Variants in BCAS3 observed in about 807,000 individuals in gnomAD.
The protein encoded by BCAS3 is BCAS4/BCAS3 fusion.
BCAS3 carries 53 observed loss-of-function variants against 116.1 expected under a neutral mutation model. That is an observed-to-expected ratio of 0.46 (90% CI 0.37 to 0.57). BCAS3 has a LOEUF of 0.57. BCAS3 is among the 20% of genes least tolerant of loss of function. The pLI is 0.00. For synonymous variants in BCAS3, 391 were observed against 408.2 expected, an observed-to-expected ratio of 0.96 and a Z score of 0.51; for missense variants, 917 against 1,165.4, an observed-to-expected ratio of 0.79 and a Z score of 3.10.
chr17:60,952,455 G>A (rs2060896872), intron 14 of BCAS3, among the ~76,000 whole-genome samples: 1 of 151,842 alleles, frequency 6.6e-6, no homozygotes, highest in African/African-American at 2.4e-5. Flanking sequence ...GAGTAGCTGG[G>A]GTTACAGGCG....
At chr17:60,684,684 T>C (rs1330721294) in intron 3 of BCAS3, among the ~76,000 whole-genome samples, 1 of 152,138 alleles carries the variant, frequency 6.6e-6, no homozygotes, top group Non-Finnish European at 1.5e-5. Context: ...CTTGTAGCAA[T>C]AGTAAGAATC....
intron 19 of BCAS3, among the ~76,000 whole-genome samples, chr17:61,058,127 C>T (rs1052492392): frequency 2.6e-5 from 4 of 151,984 alleles, no homozygotes; most frequent in Non-Finnish European, 5.9e-5. Flanking sequence ...AAATTTTTCT[C>T]TCTTGATTTT....
Position 61,388,817 on chromosome 17 carries a change from C to A in BCAS3, c.2594-3160C>A. 9.3e-7 allele frequency: 1 copy of A among 1,077,056 alleles called. No homozygotes were observed. The highest frequency in any genetic ancestry group is 1.3e-6 in the Non-Finnish European group (1 of 753,888). The allele number at this position is 1,077,056 out of a possible 1,614,324, so 66.7% of individuals were successfully genotyped here. On this transcript the variant is annotated intron_variant, in intron 23 of 23. Coordinates refer to ENST00000407086, the MANE Select transcript of BCAS3 (RefSeq NM_017679.5). This position sits in a 1 kb window ranked among gnomAD's most constrained non-coding sequence, Gnocchi z 6.5. ...CCTCCCCTCCACTTCCCACACACACCCCTGCCTGCAGGGGGAGGAGCAGAA... is the reference window on the plus strand; with the variant it reads ...CCTCCCCTCCACTTCCCACACACACACCTGCCTGCAGGGGGAGGAGCAGAA...
At chr17:60,955,368 C>G (rs74956069) in intron 14 of BCAS3, among the ~76,000 whole-genome samples, 1,611 of 146,746 alleles carry the variant, frequency 0.011, 32 homozygotes, top group African/African-American at 0.041. Flanking sequence ...GCTAAAGGAT[C>G]TAGTTCAGGG....
intron 22 of BCAS3, among the ~76,000 whole-genome samples, chr17:61,310,476 C>T (rs1331643521): frequency 2.0e-5 from 3 of 151,828 alleles, no homozygotes; most frequent in Non-Finnish European, 4.4e-5. Flanking sequence ...ATCCCTTGAA[C>T]CCAAGAGGCG....
chr17:61,303,223 G>A (rs79296136), intron 22 of BCAS3, among the ~76,000 whole-genome samples: 227 of 152,292 alleles, frequency 1.5e-3, no homozygotes, highest in Middle Eastern at 6.8e-3. Flanking sequence ...AGCCAGAGCC[G>A]CACACTGCTG....
intron 22 of BCAS3, among the ~76,000 whole-genome samples, chr17:61,255,344 A>C (rs1366766621): frequency 6.6e-6 from 1 of 152,220 alleles, no homozygotes; most frequent in Non-Finnish European, 1.5e-5. Flanking sequence ...GATTAAATGA[A>C]TGTGCCCAAG....
chr17:60,930,901 A>G (rs1028276207), intron 13 of BCAS3, among the ~76,000 whole-genome samples: 1 of 152,230 alleles, frequency 6.6e-6, no homozygotes, highest in African/African-American at 2.4e-5. Flanking sequence ...ATGATGGAAT[A>G]ACACTGCAAA....
chr17:61,149,360 A>G (rs1438578019), intron 22 of BCAS3, among the ~76,000 whole-genome samples: 1 of 152,190 alleles, frequency 6.6e-6, no homozygotes, highest in Non-Finnish European at 1.5e-5. Flanking sequence ...ATTCGAGAAG[A>G]ATTGTATTGC....
intron 5 of BCAS3, among the ~76,000 whole-genome samples, chr17:60,731,049 A>G (rs981516586): frequency 3.3e-5 from 5 of 151,912 alleles, no homozygotes; most frequent in Non-Finnish European, 5.9e-5. Flanking sequence ...CGTTTTTACA[A>G]TTTCTCCCTA....
In BCAS3 at chr17:61,388,567, G is replaced by A. The variant is rs549989547; in HGVS notation, c.2594-3410G>A. On this transcript the variant is annotated intron_variant, in intron 23 of 23. Transcript: ENST00000407086. This position sits in a 1 kb window ranked among gnomAD's most constrained non-coding sequence, Gnocchi z 6.5. ...GCAGAGATCAGTGTACTTCTCAATC[G>A]TTGTCCATATCTTTTCCAAAAAGAT... is the stretch of plus-strand genomic sequence containing the variant. 35 of 1,499,260 alleles carry A rather than the reference G, an allele frequency of 2.3e-5. No homozygotes were observed. The highest frequency in any genetic ancestry group is 1.7e-4 in the Middle Eastern group (1 of 5,890). 92.9% of individuals were successfully genotyped at this position (1,499,260 alleles called of 1,614,324 possible).
chr17:60,780,669 A>G (rs2045746413), intron 6 of BCAS3, among the ~76,000 whole-genome samples: 1 of 152,172 alleles, frequency 6.6e-6, no homozygotes, highest in Non-Finnish European at 1.5e-5. Flanking sequence ...TATTGGTGTA[A>G]AAGATAGACC....
chr17:61,058,143 C>G (rs1383936150), intron 19 of BCAS3, among the ~76,000 whole-genome samples: 2 of 152,014 alleles, frequency 1.3e-5, no homozygotes, highest in African/African-American at 2.4e-5. Flanking sequence ...ATTTTTCTTA[C>G]TGAAAGTAAC....
intron 9 of BCAS3, among the ~76,000 whole-genome samples, chr17:60,878,432 A>G (rs1225704156): frequency 6.6e-6 from 1 of 152,132 alleles, no homozygotes; most frequent in African/African-American, 2.4e-5. Context: ...GGGAATCTAT[A>G]ATGTCCTTTT....
intron 11 of BCAS3, among the ~76,000 whole-genome samples, chr17:60,905,035 C>T (rs1349537888): frequency 1.3e-5 from 2 of 152,108 alleles, no homozygotes; most frequent in Non-Finnish European, 2.9e-5. Context: ...AATACAAGAA[C>T]ACTACAGTCC....
At chr17:60,872,765 C>T (rs2055248024) in intron 8 of BCAS3, among the ~76,000 whole-genome samples, 1 of 139,932 alleles carries the variant, frequency 7.1e-6, no homozygotes, top group Non-Finnish European at 1.5e-5. Context: ...TACACACATA[C>T]ACACACACAC....
intron 12 of BCAS3, among the ~76,000 whole-genome samples, chr17:60,920,343 A>G (rs763530285): frequency 3.3e-5 from 5 of 152,232 alleles, no homozygotes; most frequent in Non-Finnish European, 5.9e-5. Context: ...ATGTTTGCAA[A>G]TGGTTTATCT....
At chr17:61,301,013 A>G (rs1231994658) in intron 22 of BCAS3, among the ~76,000 whole-genome samples, 2 of 152,262 alleles carry the variant, frequency 1.3e-5, no homozygotes, top group Non-Finnish European at 2.9e-5. Flanking sequence ...CCACACATTT[A>G]TGATATAGTA....
rs114739997 is a variant in BCAS3, at chr17:61,287,377, A to G, written c.2426-80950A>G. Among the ~76,000 whole-genome samples, 529 of 152,054 alleles carry G rather than the reference A, an allele frequency of 3.5e-3. 6 individuals carry two copies. Among genetic ancestry groups the G allele is most frequent in the African/African-American group, 0.012 (490 of 41,500 alleles). On this transcript the variant is annotated intron_variant, in intron 22 of 23. Coordinates refer to ENST00000407086, the MANE Select transcript of BCAS3 (RefSeq NM_017679.5). ...TGTCTTGGGGAAAATTGTCTGCCAT[A>G]CTGCATTTGTTCAGAGCAACGTGGA...
Sources: gnomAD v4.1 joint callset for allele counts (sites outside exome capture counted in the v4.1 genomes callset) on GRCh38, gnomAD v4.1.1 for gene constraint, Gnocchi (gnomAD v3.1) non-coding constraint, MANE v1.5 for transcripts, NCBI Gene and HGNC (gene_info 2026-07-23, HGNC 2026-07-21) for gene names.